IMMP2L: variants seen among roughly 807,000 people sequenced by gnomAD.
IMMP2L encodes the protein mitochondrial inner membrane protease subunit 2.
IMMP2L carries 18 observed loss-of-function variants against 19.3 expected under a neutral mutation model. That is an observed-to-expected ratio of 0.93 (90% CI 0.64 to 1.38). IMMP2L has a LOEUF of 1.38. Among genes scored for constraint, IMMP2L ranks in the 40% most tolerant of loss-of-function variants. The probability of loss-of-function intolerance (pLI) is 0.00; values close to 1 mark genes in which losing one functional copy is unlikely to be tolerated. For missense variants in IMMP2L, 233 were observed against 218.2 expected, an observed-to-expected ratio of 1.07 and a Z score of -0.43; for synonymous variants, 76 against 73.0, an observed-to-expected ratio of 1.04 and a Z score of -0.21.
intron 3 of IMMP2L, among the ~76,000 whole-genome samples, chr7:111,218,127 A>T (rs1812148742): frequency 1.3e-5 from 2 of 152,246 alleles, no homozygotes; most frequent in South Asian, 2.1e-4. Context: ...CTTTCCCTAT[A>T]TATGAATTGT....
intron 5 of IMMP2L, among the ~76,000 whole-genome samples, chr7:110,666,951 A>C (rs143868191): frequency 3.5e-3 from 534 of 152,216 alleles, no homozygotes; most frequent in African/African-American, 0.012. Context: ...GGCTCACTGC[A>C]AGGTCCGCCT....
At chr7:110,701,080 T>C (rs1310919392) in intron 5 of IMMP2L, among the ~76,000 whole-genome samples, 1 of 152,230 alleles carries the variant, frequency 6.6e-6, no homozygotes, top group Non-Finnish European at 1.5e-5. Flanking sequence ...TACACATATT[T>C]TACACATATC....
At chr7:111,500,041 G>A (rs1417209633) in intron 2 of IMMP2L, among the ~76,000 whole-genome samples, 2 of 152,162 alleles carry the variant, frequency 1.3e-5, no homozygotes, top group Non-Finnish European at 2.9e-5. Flanking sequence ...GGGTCAGGGA[G>A]TTCCCTTTCC....
chr7:111,018,793 A>T (rs1328251404), intron 3 of IMMP2L, among the ~76,000 whole-genome samples: 2 of 16,002 alleles, frequency 1.2e-4, no homozygotes, highest in African/African-American at 6.7e-4. Flanking sequence ...TCTTTTTATT[A>T]TTATTATTAT....
At position 111,521,394 on chromosome 7, in the gene IMMP2L, G is replaced by T; in HGVS notation, c.54C>A (p.Gly18=). ...CTGCCACAGGCACCGCCACAAAGAA[G>T]CCTTTACAAAAGGCCTTGATGTATC... The part of the protein sequence containing the change: ...VKRYIKAFCK[G]FFVAVPVAVT... Residue 18 remains glycine, a synonymous_variant, in exon 2 of 6, where the codon GGC becomes GGA. Transcript: ENST00000405709. 1.2e-6 allele frequency: 2 copies of T among 1,613,180 alleles called. No homozygotes were observed. Among genetic ancestry groups the T allele is most frequent in the South Asian group, 2.2e-5 (2 of 91,016 alleles).
intron 5 of IMMP2L, among the ~76,000 whole-genome samples, chr7:110,860,452 A>G (rs1420352959): frequency 1.3e-5 from 2 of 152,108 alleles, no homozygotes; most frequent in African/African-American, 4.8e-5. Context: ...ATGTTGACAG[A>G]TACAATTATA....
At chr7:111,307,601 A>G (rs1051233804) in intron 3 of IMMP2L, among the ~76,000 whole-genome samples, 2 of 151,636 alleles carry the variant, frequency 1.3e-5, no homozygotes, top group Non-Finnish European at 3.0e-5. Flanking sequence ...AAATATAATT[A>G]CATACATTTT....
intron 5 of IMMP2L, among the ~76,000 whole-genome samples, chr7:110,792,883 G>T (rs2396277): frequency 0.19 from 28,984 of 151,840 alleles, 3,299 homozygotes; most frequent in Non-Finnish European, 0.26. Context: ...ACCATACAAT[G>T]AAATCTTATT....
chr7:111,363,934 G>A (rs1829501614), intron 3 of IMMP2L, among the ~76,000 whole-genome samples: 1 of 151,884 alleles, frequency 6.6e-6, no homozygotes, highest in Non-Finnish European at 1.5e-5. Flanking sequence ...TTGCCTAGCT[G>A]ATTATCACCT....
intron 1 of IMMP2L, among the ~76,000 whole-genome samples, chr7:111,522,012 G>A (rs1846378044): frequency 6.6e-6 from 1 of 152,064 alleles, no homozygotes; most frequent in Non-Finnish European, 1.5e-5. Context: ...GGTGGTAGGA[G>A]CAGGGGTGGC....
intron 2 of IMMP2L, among the ~76,000 whole-genome samples, chr7:111,488,351 C>G (rs1289030396): frequency 6.6e-6 from 1 of 152,122 alleles, no homozygotes; most frequent in African/African-American, 2.4e-5. Context: ...ACATTTTCCC[C>G]CAAGTCCCCA....
chr7:111,098,596 C>T (rs962606148), intron 3 of IMMP2L, among the ~76,000 whole-genome samples: 18 of 151,742 alleles, frequency 1.2e-4, no homozygotes, highest in African/African-American at 4.1e-4. Context: ...ATAATACTGG[C>T]AGATCTCATT....
intron 3 of IMMP2L, among the ~76,000 whole-genome samples, chr7:111,132,896 T>C (rs576887505): frequency 2.0e-5 from 3 of 152,004 alleles, no homozygotes; most frequent in Admixed American, 1.3e-4. Context: ...TAAATTGACA[T>C]GCAGAAATAT....
At chr7:110,918,955 T>C (rs1408894414) in intron 4 of IMMP2L, among the ~76,000 whole-genome samples, 1 of 152,200 alleles carries the variant, frequency 6.6e-6, no homozygotes, top group East Asian at 1.9e-4. Flanking sequence ...ATGGTTCATC[T>C]TTGCCAGAGA....
chr7:110,663,692 G>T lies in IMMP2L; in HGVS notation c.438C>A (p.Ala146=). 1.9e-6 allele frequency: 3 copies of T among 1,602,856 alleles called. No homozygotes were observed. The highest frequency in any genetic ancestry group is 2.6e-6 in the Non-Finnish European group (3 of 1,174,592). ...PVSLGLLHAH[A]THILWPPERW... ...GCTCTGGGGGCCACAGGATATGTGTGGCATGGGCATGCAGAAGTCCTAGGG... is the reference window on the plus strand; with the variant it reads ...GCTCTGGGGGCCACAGGATATGTGTTGCATGGGCATGCAGAAGTCCTAGGG... Residue 146 remains alanine (A), a synonymous_variant, in exon 6 of 6, where the codon GCC becomes GCA. Transcript: ENST00000405709.
At chr7:110,697,140 TA>T (rs1793951752) in intron 5 of IMMP2L, among the ~76,000 whole-genome samples, 1 of 152,196 alleles carries the variant, frequency 6.6e-6, no homozygotes, top group African/African-American at 2.4e-5. Flanking sequence ...ATGAGGTACC[TA>T]GACTCACAAT....
chr7:110,977,234 G>A (rs956719837), intron 3 of IMMP2L, among the ~76,000 whole-genome samples: 1 of 151,822 alleles, frequency 6.6e-6, no homozygotes, highest in African/African-American at 2.4e-5. Flanking sequence ...TACAATCAAT[G>A]GCATGCATGC....
chr7:111,171,092 A>C (rs982763580), intron 3 of IMMP2L, among the ~76,000 whole-genome samples: 1 of 151,726 alleles, frequency 6.6e-6, no homozygotes, highest in Non-Finnish European at 1.5e-5. Flanking sequence ...AAATCAGTAT[A>C]AAAATCCAAA....
chr7:110,740,984 G>C (rs1796953979), intron 5 of IMMP2L, among the ~76,000 whole-genome samples: 1 of 150,374 alleles, frequency 6.7e-6, no homozygotes, highest in African/African-American at 2.4e-5. Context: ...CCCACTACCA[G>C]GTATCTACCC....
Sources: gnomAD v4.1 joint callset for allele counts (sites outside exome capture counted in the v4.1 genomes callset) on GRCh38, gnomAD v4.1.1 for gene constraint, MANE v1.5 for transcripts, NCBI Gene and HGNC (gene_info 2026-07-23, HGNC 2026-07-21) for gene names.